RAD54B: variants seen among roughly 807,000 people sequenced by gnomAD.
RAD54B encodes RAD54 homolog B.
A neutral mutation model predicts 95.8 loss-of-function variants in RAD54B; 78 were observed. That is an observed-to-expected ratio of 0.81 (90% CI 0.68 to 0.98). The LOEUF (loss-of-function observed/expected upper bound fraction) is 0.98. RAD54B is among the 50% of genes least tolerant of loss of function. RAD54B has a pLI of 0.00. For missense variants in RAD54B, 957 were observed against 1,056.6 expected (o/e 0.91, Z 1.31); for synonymous variants, 328 against 354.9 (o/e 0.92, Z 0.85).
At chr8:94,392,418 T>C (rs12680029) in intron 9 of RAD54B, among the ~76,000 whole-genome samples, 61,246 of 151,246 alleles carry the variant, frequency 0.4, 12,503 homozygotes, top group Admixed American at 0.51. Flanking sequence ...CACACCACTA[T>C]ATCTGGCGAA....
In RAD54B at chr8:94,400,321, G is replaced by T; in HGVS notation, c.1087C>A (p.Pro363Thr). ...TTCCAATTATTCACCAAGCTTCCAGGTGTGACAATTAGTGTCTTCTTTATT... is the reference window on the plus strand; with the variant it reads ...TTCCAATTATTCACCAAGCTTCCAGTTGTGACAATTAGTGTCTTCTTTATT... ...PVIKKTLIVT[P>T]GSLVNNWKKE... The change falls in exon 7 of 15, where the codon CCT becomes ACT. Residue 363 changes from proline (P) to threonine (T), a missense_variant. Pro to Thr is a conservative substitution (Grantham distance 38, BLOSUM62 -1). Transcript: ENST00000336148. 1 of 1,613,678 alleles carries T rather than the reference G, an allele frequency of 6.2e-7. No individual in the cohort carries two copies. Among genetic ancestry groups the T allele is most frequent in the Non-Finnish European group, 8.5e-7 (1 of 1,179,848 alleles).
At chr8:94,385,249 C>T (rs922565342) in intron 11 of RAD54B, among the ~76,000 whole-genome samples, 2 of 152,088 alleles carry the variant, frequency 1.3e-5, no homozygotes, top group Admixed American at 6.6e-5. Flanking sequence ...TAAATTCTCA[C>T]ATCTATATTC....
At chr8:94,409,374 C>T (rs1190445098) in intron 4 of RAD54B, among the ~76,000 whole-genome samples, 1 of 150,898 alleles carries the variant, frequency 6.6e-6, no homozygotes, top group Non-Finnish European at 1.5e-5. Context: ...TTTTCTTTTT[C>T]TTTCTTTTTT....
chr8:94,409,378 CT>C lies in RAD54B; in HGVS notation c.500-1659del, dbSNP rs910847332. On this transcript the variant is annotated intron_variant, in intron 4 of 14. Transcript: ENST00000336148. ...ATCGGCATTTCTTTTCTTTTTCTTT[CT>C]TTTTTTTTTTTAAGAGACAGGGTCT... Among the ~76,000 whole-genome samples the C allele has an allele frequency of 3.8e-3, 549 of 143,718 alleles. 6 individuals are homozygous for C. The highest frequency in any genetic ancestry group is 3.6e-3 in the Middle Eastern group (1 of 278). The allele number at this position is 143,718 out of a possible 152,430, so 94.3% of individuals were successfully genotyped here. A position where few individuals can be genotyped will look rare whatever the true frequency, so the allele number is the denominator to read the frequency against.
At chr8:94,431,610 T>C in intron 3 of RAD54B, 1 of 926,908 alleles carries the variant, frequency 1.1e-6, no homozygotes, top group Non-Finnish European at 1.3e-6. Context: ...TCATTACCCC[T>C]AAACTGCAGA....
At chr8:94,432,104 A>G (rs771839114) in intron 3 of RAD54B, 1 of 1,505,842 alleles carries the variant, frequency 6.6e-7, no homozygotes, top group South Asian at 1.3e-5. Flanking sequence ...AATCAAAATT[A>G]TCAAATTGCA....
At chr8:94,447,384 T>A (rs1812546459) in intron 3 of RAD54B, among the ~76,000 whole-genome samples, 1 of 152,222 alleles carries the variant, frequency 6.6e-6, no homozygotes, top group Non-Finnish European at 1.5e-5. Flanking sequence ...ATGAATTTTG[T>A]ATACTGCAAA....
intron 2 of RAD54B, among the ~76,000 whole-genome samples, chr8:94,465,061 T>C (rs1812992530): frequency 6.6e-6 from 1 of 152,080 alleles, no homozygotes; most frequent in South Asian, 2.1e-4. Flanking sequence ...CCTCAAACAC[T>C]GGAGGTCACA....
intron 3 of RAD54B, chr8:94,430,296 G>T: frequency 1.1e-6 from 1 of 934,146 alleles, no homozygotes; most frequent in Non-Finnish European, 1.3e-6. Context: ...AGGTGACAAA[G>T]CAAGACTCCA....
chr8:94,450,511 C>T (rs1812630347), intron 3 of RAD54B, among the ~76,000 whole-genome samples: 1 of 152,272 alleles, frequency 6.6e-6, no homozygotes, highest in East Asian at 1.9e-4. Context: ...GAGTCATACA[C>T]AAACAAAAGA....
chr8:94,382,983 G>A (rs905424940), intron 11 of RAD54B, among the ~76,000 whole-genome samples: 6 of 152,022 alleles, frequency 3.9e-5, no homozygotes, highest in African/African-American at 1.4e-4. Flanking sequence ...ACGGACTAAT[G>A]CATAGGTGAT....
intron 3 of RAD54B, among the ~76,000 whole-genome samples, chr8:94,439,589 C>T (rs1315858198): frequency 1.5e-5 from 2 of 135,868 alleles, no homozygotes; most frequent in East Asian, 4.5e-4. Flanking sequence ...GTATGGCTTA[C>T]TTTTATATAT....
chr8:94,381,650 A>G (rs1411702460), intron 11 of RAD54B, among the ~76,000 whole-genome samples: 1 of 152,224 alleles, frequency 6.6e-6, no homozygotes, highest in Non-Finnish European at 1.5e-5. Flanking sequence ...ATGTAAAATG[A>G]TAGACAAAGT....
chr8:94,463,768 A>T (rs969873234), intron 2 of RAD54B, among the ~76,000 whole-genome samples: 1 of 151,940 alleles, frequency 6.6e-6, no homozygotes, highest in African/African-American at 2.4e-5. Flanking sequence ...CTCTAAAAAA[A>T]TTTAAAAATG....
chr8:94,416,440 A>G (rs113958543), intron 3 of RAD54B, among the ~76,000 whole-genome samples: 9 of 151,924 alleles, frequency 5.9e-5, no homozygotes, highest in African/African-American at 1.9e-4. Context: ...TGGGTGCAGC[A>G]CACCAGCATG....
At chr8:94,421,539 G>A (rs1811807217) in intron 3 of RAD54B, among the ~76,000 whole-genome samples, 1 of 151,962 alleles carries the variant, frequency 6.6e-6, no homozygotes. Context: ...ATATCCAATT[G>A]CCTCCCAGAC....
chr8:94,466,153 G>A (rs75755239), intron 2 of RAD54B, among the ~76,000 whole-genome samples: 2,892 of 152,046 alleles, frequency 0.019, 77 homozygotes, highest in East Asian at 0.14. Flanking sequence ...ATGGTAATGT[G>A]GCAAATTTTA....
chr8:94,431,332 C>A, intron 3 of RAD54B: 1 of 978,646 alleles, frequency 1.0e-6, no homozygotes, highest in Non-Finnish European at 1.2e-6. Context: ...CAATGGAATA[C>A]CTTATCTATT....
At chr8:94,420,931 G>A (rs1811791737) in intron 3 of RAD54B, among the ~76,000 whole-genome samples, 1 of 149,698 alleles carries the variant, frequency 6.7e-6, no homozygotes, top group African/African-American at 2.5e-5. Flanking sequence ...GTTGCAGTGA[G>A]CCGAGATCAC....
Sources: allele counts gnomAD v4.1 joint callset (sites outside exome capture counted in the v4.1 genomes callset), GRCh38; gene constraint gnomAD v4.1.1; transcripts MANE v1.5; gene names NCBI Gene and HGNC (gene_info 2026-07-23, HGNC 2026-07-21).